SPNS2: variants seen among roughly 807,000 people sequenced by gnomAD.
SPNS2 encodes sphingosine-1-phosphate transporter SPNS2.
Under a neutral mutation model 57.6 loss-of-function variants are expected in SPNS2, and 37 were observed. The observed-to-expected ratio is 0.64, with a 90% CI of 0.49 to 0.85. The LOEUF (loss-of-function observed/expected upper bound fraction) is 0.85, where lower values mean the gene tolerates loss of function less well. SPNS2 is among the 40% of genes least tolerant of loss of function. SPNS2 has a pLI of 0.00. For missense variants in SPNS2, 831 were observed against 779.1 expected, an observed-to-expected ratio of 1.07 and a Z score of -0.79; for synonymous variants, 440 against 346.9, an observed-to-expected ratio of 1.27 and a Z score of -2.98.
chr17:4,508,683 G>A lies in SPNS2; in HGVS notation c.371-4564G>A, dbSNP rs73972605. On this transcript the variant is annotated intron_variant, in intron 1 of 12. Transcript: ENST00000329078. ...GGCTGCTAAGTGTGAGTGGGCAGCC[G>A]TACCCACTGGGCCAATACTCGTAGA... Among the ~76,000 whole-genome samples the A allele has an allele frequency of 6.2e-3, 949 of 152,326 alleles. 12 individuals carry two copies. The highest frequency in any genetic ancestry group is 0.021 in the African/African-American group (886 of 41,576).
rs1905874271 is a variant in SPNS2 at position 4,536,997 on chromosome 17, C to G, written c.*4+51C>G. ...GGGGCTCCCTAAGGAAAGGGGAAGG[C>G]CAGGGTTAGGCAACAGGGAGCACTT... On this transcript the variant is annotated intron_variant, in intron 12 of 12. Coordinates refer to ENST00000329078, the MANE Select transcript of SPNS2 (RefSeq NM_001124758.3). 41 of 1,598,470 alleles carry G rather than the reference C, an allele frequency of 2.6e-5. No individual in the cohort carries two copies. The South Asian group carries it at 4.6e-4, about 18-fold the overall frequency.
intron 1 of SPNS2, among the ~76,000 whole-genome samples, chr17:4,508,729 G>A (rs546750083): frequency 6.0e-4 from 92 of 152,362 alleles, no homozygotes; most frequent in African/African-American, 1.9e-3. Context: ...GCACAAAGTA[G>A]TTGGTGGATA....
At chr17:4,536,656 TTAG>T in intron 11 of SPNS2, 1 of 669,238 alleles carries the variant, frequency 1.5e-6, no homozygotes, top group Non-Finnish European at 2.5e-6. Flanking sequence ...GTCTCTGGAC[TTAG>T]TGGTTTTCAA....
intron 5 of SPNS2, among the ~76,000 whole-genome samples, chr17:4,531,976 T>G (rs1905496946): frequency 1.3e-5 from 2 of 152,042 alleles, no homozygotes; most frequent in Admixed American, 6.5e-5. Context: ...CAGCGCTTCA[T>G]ACCCAAACAG....
In SPNS2 at chr17:4,536,179, G is replaced by A; in HGVS notation, c.1443+5G>A. 1 of 1,611,088 alleles carries A rather than the reference G, an allele frequency of 6.2e-7. No individual in the cohort carries two copies. Among genetic ancestry groups the A allele is most frequent in the Non-Finnish European group, 8.5e-7 (1 of 1,179,212 alleles). ...AGCCCCTACCTCATTGGCTTTGTGA[G>A]TAGCCCCGGGGTGGGGCTGGCCAGG... On this transcript the variant is annotated splice_donor_5th_base_variant and intron_variant, in intron 10 of 12. Coordinates refer to ENST00000329078, the MANE Select transcript of SPNS2 (RefSeq NM_001124758.3).
Position 4,532,607 on chromosome 17 carries a change from G to C in SPNS2, c.858G>C (p.Arg286Ser). The C allele has an allele frequency of 2.5e-6, 4 of 1,613,352 alleles. No homozygotes were observed. The Admixed American group carries it at 6.7e-5, about 27-fold the overall frequency. The change falls in exon 6 of 13, where the codon AGG becomes AGC. Residue 286 changes from arginine (R) to serine (S), a missense_variant. This residue lies in a region of SPNS2 where 526 missense variants were observed against 400.9 expected (regional missense o/e 1.31). Coordinates refer to ENST00000329078, the MANE Select transcript of SPNS2 (RefSeq NM_001124758.3). ...TCATTCTGGTCCCAGCCACTAAAAGGGGTCATGCCGACCAGCTCGGGGACC... is the reference window on the plus strand; with the variant it reads ...TCATTCTGGTCCCAGCCACTAAAAGCGGTCATGCCGACCAGCTCGGGGACC... Reference protein sequence around the residue: ...LILILVPATKRGHADQLGDQL... With the variant: ...LILILVPATKSGHADQLGDQL...
At chr17:4,532,760 C>T (rs1424731552) in intron 6 of SPNS2, 76 bp downstream of exon 6, 2 of 1,530,324 alleles carry the variant, frequency 1.3e-6, no homozygotes, top group South Asian at 2.4e-5. Context: ...TGCAGGGCAG[C>T]CCACTAGCAC....
chr17:4,532,628 G>C lies in SPNS2; in HGVS notation c.879G>C (p.Gly293=), dbSNP rs377510637. Reference sequence around the variant, plus strand: ...AAAGGGGTCATGCCGACCAGCTCGGGGACCAGCTCAAGGCCCGGACCTCAT... The same window carrying C: ...AAAGGGGTCATGCCGACCAGCTCGGCGACCAGCTCAAGGCCCGGACCTCAT... ...ATKRGHADQL[G]DQLKARTSWL... The change falls in exon 6 of 13, where the codon GGG becomes GGC. Residue 293 remains glycine (G), a synonymous_variant. Transcript: ENST00000329078. 3.0e-5 allele frequency: 49 copies of C among 1,613,914 alleles called. No homozygotes were observed. Among genetic ancestry groups the C allele is most frequent in the Non-Finnish European group, 4.1e-5 (48 of 1,180,018 alleles).
At chr17:4,523,257 G>A (rs1218030844) in intron 2 of SPNS2, among the ~76,000 whole-genome samples, 1 of 152,114 alleles carries the variant, frequency 6.6e-6, no homozygotes, top group Non-Finnish European at 1.5e-5. Flanking sequence ...GGCCAACATA[G>A]AGAAACCCCG....
intron 1 of SPNS2, among the ~76,000 whole-genome samples, chr17:4,503,447 G>A (rs907723734): frequency 6.6e-6 from 1 of 152,194 alleles, no homozygotes; most frequent in Non-Finnish European, 1.5e-5. Flanking sequence ...TCCCTCAGAC[G>A]GGGGTCTCAC....
intron 2 of SPNS2, among the ~76,000 whole-genome samples, chr17:4,515,556 T>A (rs1469229043): frequency 6.6e-6 from 1 of 152,166 alleles, no homozygotes; most frequent in Non-Finnish European, 1.5e-5. Context: ...CCGGCACAGC[T>A]AGGATGGCTC....
In SPNS2 at chr17:4,536,913, G is replaced by T; in HGVS notation, c.1621G>T (p.Ala541Ser). 6.2e-7 allele frequency: 1 copy of T among 1,613,662 alleles called. No homozygotes were observed. The highest frequency in any genetic ancestry group is 8.5e-7 in the Non-Finnish European group (1 of 1,179,864). ...TCTCTCCCCCAGGGTGAACCAGCTG[G>T]CGATGCCGCCCGCATCTGTGAAAGT... ...ARAEQQVNQL[A>S]MPPASVKV Residue 541 changes from alanine (A) to serine (S), a missense_variant, in exon 12 of 13, where the codon GCG becomes TCG. Coordinates refer to ENST00000329078, the MANE Select transcript of SPNS2 (RefSeq NM_001124758.3).
At chr17:4,531,624 A>G (rs1301478056) in intron 5 of SPNS2, among the ~76,000 whole-genome samples, 1 of 152,126 alleles carries the variant, frequency 6.6e-6, no homozygotes, top group African/African-American at 2.4e-5. Context: ...GCGGAAGCTT[A>G]AGACAAAGTG....
intron 2 of SPNS2, among the ~76,000 whole-genome samples, chr17:4,524,197 G>A (rs1167084269): frequency 1.3e-5 from 2 of 152,152 alleles, no homozygotes; most frequent in Non-Finnish European, 2.9e-5. Flanking sequence ...TCTTTCACAA[G>A]TAGAACAAGG....
intron 1 of SPNS2, among the ~76,000 whole-genome samples, chr17:4,506,825 G>A (rs918419531): frequency 6.6e-6 from 1 of 152,156 alleles, no homozygotes. Flanking sequence ...TGGCTTGGGA[G>A]TAGGGGACCA....
At chr17:4,532,743 C>G in intron 6 of SPNS2, 59 bp downstream of exon 6, 5 of 1,578,756 alleles carry the variant, frequency 3.2e-6, no homozygotes, top group South Asian at 1.2e-5. Context: ...ATGAGAGGGC[C>G]TGTCCCTGCA....
rs199863269 is a variant in SPNS2 at position 4,536,370 on chromosome 17, G to A, written c.1551G>A (p.Met517Ile). 225 of 1,609,278 alleles carry A rather than the reference G, an allele frequency of 1.4e-4. 3 individuals are homozygous for A. In the South Asian group the frequency reaches 2.3e-3, roughly 16 times the overall value. The change falls in exon 11 of 13, where the codon ATG (methionine) becomes ATA (isoleucine). Residue 517 changes from methionine to isoleucine, a missense_variant. Around this residue, in one of 2 missense-constraint regions of SPNS2, gnomAD observed 526 missense variants for 400.9 expected, o/e 1.31. Coordinates refer to ENST00000329078, the MANE Select transcript of SPNS2 (RefSeq NM_001124758.3). ...LCPFVVVLGG[M>I]FFLATALFFV... ...CTTTCGTCGTGGTCCTGGGCGGCAT[G>A]TTCTTCCTCGCCACTGCGCTCTTCT...
intron 8 of SPNS2, 147 bp from the exon 9 acceptor site, chr17:4,533,641 C>T (rs1257626055): frequency 1.7e-5 from 18 of 1,063,428 alleles, no homozygotes; most frequent in Non-Finnish European, 2.5e-5. Context: ...GGCTTGAAGT[C>T]TCTGGATAGC....
chr17:4,509,708 GCTTGGGAGGTACGTAA>G (rs1904779170), intron 1 of SPNS2, among the ~76,000 whole-genome samples: 1 of 152,274 alleles, frequency 6.6e-6, no homozygotes, highest in Admixed American at 6.5e-5. Context: ...ACCTCCTGGG[GCTTGGGAGGTACGTAA>G]CTTGTCAATG....
Sources: allele counts gnomAD v4.1 joint callset (sites outside exome capture counted in the v4.1 genomes callset), GRCh38; gene constraint gnomAD v4.1.1; regional missense constraint gnomAD v4.1.1; transcripts MANE v1.5; gene names NCBI Gene and HGNC (gene_info 2026-07-23, HGNC 2026-07-21).